Variants in MIOS observed in about 807,000 individuals in gnomAD.
MIOS encodes meiosis regulator for oocyte development, also known as GATOR2 complex protein MIOS.
Under a neutral mutation model 96.9 loss-of-function variants are expected in MIOS, and 52 were observed. The observed-to-expected ratio is 0.54, with a 90% CI of 0.43 to 0.68. The LOEUF (loss-of-function observed/expected upper bound fraction) is 0.68, where lower values mean the gene tolerates loss of function less well. Ranked by LOEUF, MIOS falls within the 30% of genes least tolerant of loss-of-function variation. MIOS has a pLI of 0.00. For synonymous variants in MIOS, 397 were observed against 359.5 expected (o/e 1.10, Z -1.18); for missense variants, 1,005 against 1,052.8 (o/e 0.95, Z 0.63).
Position 7,585,269 on chromosome 7 carries a change from C to G in MIOS, c.1649-367C>G, listed in dbSNP as rs561675991. ...TACACAGGAATAACTTATATAAGACCCTGCCTGGATTGAGAACTTGAAAAG... is the reference window on the plus strand; with the variant it reads ...TACACAGGAATAACTTATATAAGACGCTGCCTGGATTGAGAACTTGAAAAG... On this transcript the variant is annotated intron_variant, in intron 6 of 12. Transcript: ENST00000340080. 2.2e-4 allele frequency among the ~76,000 whole-genome samples: 33 copies of G among 152,020 alleles called. No individual in the cohort carries two copies. The South Asian group carries it at 6.8e-3, about 32-fold the overall frequency.
chr7:7,570,468 A>T (rs962025222), intron 3 of MIOS, among the ~76,000 whole-genome samples: 2 of 151,886 alleles, frequency 1.3e-5, no homozygotes, highest in African/African-American at 4.8e-5. Context: ...TTTCTCACGG[A>T]TGAGGGGTGG....
At chr7:7,568,634 CATTGTA>C (rs1280634631) in intron 3 of MIOS, among the ~76,000 whole-genome samples, 3 of 152,202 alleles carry the variant, frequency 2.0e-5, no homozygotes, top group Non-Finnish European at 4.4e-5. Context: ...ACTGTCTGGA[CATTGTA>C]AATAATTTTT....
chr7:7,605,169 A>G (rs1784491290), intron 11 of MIOS: 1 of 152,214 alleles, frequency 6.6e-6, no homozygotes, highest in South Asian at 2.1e-4. Context: ...GCAATTAAGT[A>G]AAAATATTAA....
At position 7,597,265 on chromosome 7, in the gene MIOS, G is replaced by T. The variant is rs1403018969; in HGVS notation, c.2401+804G>T. Among the ~76,000 whole-genome samples, 20 of 151,242 alleles carry T rather than the reference G, an allele frequency of 1.3e-4. No homozygotes were observed. The East Asian group carries it at 3.7e-3, about 28-fold the overall frequency. ...TGCTTGAACCCGGGAGGCAGAGGTT[G>T]CAGTGAGCCAAGATCATGCCACTGC... On this transcript the variant is annotated intron_variant, in intron 11 of 12. Coordinates refer to ENST00000340080, the MANE Select transcript of MIOS (RefSeq NM_019005.4).
chr7:7,578,711 A>G lies in MIOS; in HGVS notation c.1394-4407A>G, dbSNP rs145278217. ...GATTTGAAAGAAATGTTTAAATCCTAATTTTTTTTTTTTTGGAGACAGAGT... is the reference window on the plus strand; with the variant it reads ...GATTTGAAAGAAATGTTTAAATCCTGATTTTTTTTTTTTTGGAGACAGAGT... On this transcript the variant is annotated intron_variant, in intron 5 of 12. Transcript: ENST00000340080. Among the ~76,000 whole-genome samples, 208 of 151,858 alleles carry G rather than the reference A, an allele frequency of 1.4e-3. 5 individuals are homozygous for G. Among genetic ancestry groups the G allele is most frequent in the Admixed American group, 0.011 (167 of 15,242 alleles).
At chr7:7,576,964 G>T (rs889302179) in intron 5 of MIOS, among the ~76,000 whole-genome samples, 1 of 152,198 alleles carries the variant, frequency 6.6e-6, no homozygotes, top group African/African-American at 2.4e-5. Flanking sequence ...AATAACACAG[G>T]AAGAGTATTT....
At chr7:7,574,290 T>C (rs1783455715) in intron 5 of MIOS, 94 bp downstream of exon 5, 1 of 885,816 alleles carries the variant, frequency 1.1e-6, no homozygotes, top group Admixed American at 2.8e-5. Context: ...TCTAGTTATT[T>C]CAGGATCATG....
Position 7,572,450 on chromosome 7 carries a change from T to C in MIOS, c.-26T>C, listed in dbSNP as rs1377724118. 6.4e-7 allele frequency: 1 copy of C among 1,558,532 alleles called. No individual in the cohort carries two copies. The highest frequency in any genetic ancestry group is 8.8e-7 in the Non-Finnish European group (1 of 1,139,806). ...AACATTTTCAGTGAATGGACCTGAGTGGACCCTTTGATCACATCAGTAAAC... is the reference window on the plus strand; with the variant it reads ...AACATTTTCAGTGAATGGACCTGAGCGGACCCTTTGATCACATCAGTAAAC... On this transcript the variant is annotated 5_prime_UTR_variant, in exon 4 of 13. Coordinates refer to ENST00000340080, the MANE Select transcript of MIOS (RefSeq NM_019005.4). This position sits in a 1 kb window ranked among gnomAD's most constrained non-coding sequence, Gnocchi z 4.8.
intron 7 of MIOS, among the ~76,000 whole-genome samples, chr7:7,586,702 T>C (rs9690845): frequency 0.14 from 21,053 of 152,226 alleles, 1,639 homozygotes; most frequent in East Asian, 0.29. Context: ...TTATGTACTT[T>C]ATTACTTTTA....
In MIOS at chr7:7,581,119, C is replaced by G. The variant is rs190784134; in HGVS notation, c.1394-1999C>G. On this transcript the variant is annotated intron_variant, in intron 5 of 12. Transcript: ENST00000340080. ...GGTGGATCACCTGAGGTCGGGACTT[C>G]GAGAACAGCCCGGCCAACATGGCGA... Among the ~76,000 whole-genome samples the G allele has an allele frequency of 7.1e-3, 1,073 of 150,774 alleles. 9 individuals carry two copies. Among genetic ancestry groups the G allele is most frequent in the Middle Eastern group, 0.052 (15 of 290 alleles).
At chr7:7,605,001 A>G (rs1228058881) in intron 11 of MIOS, 1 of 152,184 alleles carries the variant, frequency 6.6e-6, no homozygotes, top group Non-Finnish European at 1.5e-5. Context: ...TCATTGAATT[A>G]CTTACACATC....
At position 7,597,468 on chromosome 7, in the gene MIOS, T is replaced by TTATATATATAAATA. The variant is rs1784237085; in HGVS notation, c.2401+1017_2401+1018insAATATATATATATA. On this transcript the variant is annotated intron_variant, in intron 11 of 12. Coordinates refer to ENST00000340080, the MANE Select transcript of MIOS (RefSeq NM_019005.4). ...GCTGTTTGTCAGTTACCTAGTAAAT[T>TTATATATATAAATA]TATATATATATATATATATATATAT... 6.8e-4 allele frequency among the ~76,000 whole-genome samples: 8 copies of TTATATATATAAATA among 11,694 alleles called. 1 individual carries two copies. The highest frequency in any genetic ancestry group is 9.1e-4 in the Non-Finnish European group (6 of 6,586). The allele number at this position is 11,694 out of a possible 152,430, so 7.7% of individuals were successfully genotyped here.
chr7:7,591,629 C>T (rs985613145), intron 9 of MIOS, among the ~76,000 whole-genome samples: 1 of 152,090 alleles, frequency 6.6e-6, no homozygotes, highest in African/African-American at 2.4e-5. Flanking sequence ...TTGCAACCAT[C>T]AATAAAATGT....
chr7:7,607,146 C>A lies in MIOS; in HGVS notation c.*54C>A. The A allele has an allele frequency of 7.4e-7, 1 of 1,353,670 alleles. No individual in the cohort carries two copies. Among genetic ancestry groups the A allele is most frequent in the Non-Finnish European group, 1.0e-6 (1 of 965,214 alleles). The allele number at this position is 1,353,670 out of a possible 1,614,324, so 83.9% of individuals were successfully genotyped here. A position where few individuals can be genotyped will look rare whatever the true frequency, so the allele number is the denominator to read the frequency against. ...AGTGTGGAGCTTTCTAGTAGGTGTC[C>A]TTCATAGCTCAGAAACATACCTCAG... On this transcript the variant is annotated 3_prime_UTR_variant, in exon 13 of 13. Transcript: ENST00000340080.
rs1480906177 is a variant in MIOS at position 7,607,797 on chromosome 7, G to T, written c.*705G>T. 1 of 152,042 alleles carries T rather than the reference G, an allele frequency of 6.6e-6. No homozygotes were observed. The highest frequency in any genetic ancestry group is 1.5e-5 in the Non-Finnish European group (1 of 67,988). 9.4% of individuals were successfully genotyped at this position (152,042 alleles called of 1,614,324 possible). The stretch of plus-strand genomic sequence containing the variant: ...TCTATCTTACAACTTTTTCTCTTCA[G>T]TAGAGAAAAACATGTACCATTTCAG... On this transcript the variant is annotated 3_prime_UTR_variant, in exon 13 of 13. Transcript: ENST00000340080.
intron 11 of MIOS, among the ~76,000 whole-genome samples, chr7:7,599,836 A>G (rs906966500): frequency 9.2e-5 from 14 of 152,222 alleles, no homozygotes; most frequent in African/African-American, 3.1e-4. Flanking sequence ...GAAATGTGGT[A>G]CATACACAGC....
chr7:7,579,407 G>A (rs1227607966), intron 5 of MIOS, among the ~76,000 whole-genome samples: 2 of 152,150 alleles, frequency 1.3e-5, no homozygotes, highest in African/African-American at 4.8e-5. Flanking sequence ...GCACAATGAC[G>A]TTTCTGTTAA....
chr7:7,592,634 A>G (rs531974750), intron 9 of MIOS, among the ~76,000 whole-genome samples: 2 of 151,842 alleles, frequency 1.3e-5, no homozygotes, highest in African/African-American at 4.8e-5. Context: ...GATGGGAGAC[A>G]TTGACAGATC....
chr7:7,574,222 C>T, intron 5 of MIOS, 26 bp downstream of exon 5: 3 of 1,508,874 alleles, frequency 2.0e-6, no homozygotes, highest in South Asian at 2.4e-5. Context: ...TTCATTTTCT[C>T]CAATATGTTT....
Sources: gnomAD v4.1 joint callset for allele counts (sites outside exome capture counted in the v4.1 genomes callset) on GRCh38, gnomAD v4.1.1 for gene constraint, Gnocchi (gnomAD v3.1) non-coding constraint, MANE v1.5 for transcripts, NCBI Gene and HGNC (gene_info 2026-07-23, HGNC 2026-07-21) for gene names.